Variants in KPNA3 observed in about 807,000 individuals in gnomAD.
KPNA3 encodes the protein karyopherin subunit alpha 3.
A neutral mutation model predicts 73.8 loss-of-function variants in KPNA3; 13 were observed. The observed-to-expected ratio is 0.18, with a 90% CI of 0.11 to 0.28. The LOEUF (loss-of-function observed/expected upper bound fraction) is 0.28, where lower values mean the gene tolerates loss of function less well. Among genes scored for constraint, KPNA3 ranks in the 10% least tolerant of loss-of-function variants. KPNA3 has a pLI of 1.00. For synonymous variants in KPNA3, 186 were observed against 206.9 expected, an observed-to-expected ratio of 0.90 and a Z score of 0.87; for missense variants, 360 against 618.1, an observed-to-expected ratio of 0.58 and a Z score of 4.43.
chr13:49,714,722 G>A lies in KPNA3; in HGVS notation c.772-3700C>T, dbSNP rs568617695. Among the ~76,000 whole-genome samples, 129 of 151,966 alleles carry A rather than the reference G, an allele frequency of 8.5e-4. 1 individual carries two copies. Among genetic ancestry groups the A allele is most frequent in the Non-Finnish European group, 1.5e-3 (104 of 67,906 alleles). On this transcript the variant is annotated intron_variant, in intron 10 of 16. Transcript: ENST00000261667. ...CCTCAACTTTAATAAAACAATAGAAGTATAAAACTTAATACATCATGATTA... is the reference window on the plus strand; with the variant it reads ...CCTCAACTTTAATAAAACAATAGAAATATAAAACTTAATACATCATGATTA...
At chr13:49,777,757 C>T (rs1327105211) in intron 1 of KPNA3, among the ~76,000 whole-genome samples, 1 of 151,914 alleles carries the variant, frequency 6.6e-6, no homozygotes, top group East Asian at 1.9e-4. Flanking sequence ...GCAGTCCTCC[C>T]ACCTAGGCCT....
In KPNA3 at chr13:49,701,852, G is replaced by T; in HGVS notation, c.1514C>A (p.Thr505Asn). 6.2e-7 allele frequency: 1 copy of T among 1,613,538 alleles called. No homozygotes were observed. The highest frequency in any genetic ancestry group is 8.5e-7 in the Non-Finnish European group (1 of 1,179,586). Residue 505 changes from threonine (T) to asparagine (N), a missense_variant, in exon 17 of 17, where the codon ACC becomes AAC. By Grantham distance (65) the Thr-to-Asn change is moderately conservative. Transcript: ENST00000261667. ...GTTGGCTGTTGGATCAAAATTGTAGGTACCTCCTTGTGTTGCTTCAGGAAT... is the reference window on the plus strand; with the variant it reads ...GTTGGCTGTTGGATCAAAATTGTAGTTACCTCCTTGTGTTGCTTCAGGAAT... ...CLIPEATQGGTYNFDPTANLQ... is the reference protein window; with the variant it reads ...CLIPEATQGGNYNFDPTANLQ...
intron 2 of KPNA3, among the ~76,000 whole-genome samples, chr13:49,744,067 G>A (rs1954595952): frequency 1.3e-5 from 2 of 152,096 alleles, no homozygotes; most frequent in Admixed American, 1.3e-4. Flanking sequence ...TACCTTTGGG[G>A]ATAACCAATA....
intron 1 of KPNA3, among the ~76,000 whole-genome samples, chr13:49,755,588 A>T (rs1006823757): frequency 6.6e-6 from 1 of 152,020 alleles, no homozygotes; most frequent in African/African-American, 2.4e-5. Context: ...CGAGGTCAAG[A>T]GATCAAGACC....
At chr13:49,737,868 C>A (rs970426160) in intron 2 of KPNA3, among the ~76,000 whole-genome samples, 3 of 152,142 alleles carry the variant, frequency 2.0e-5, no homozygotes, top group Non-Finnish European at 4.4e-5. Flanking sequence ...CAATATCTAA[C>A]TTGTCTTTTC....
At chr13:49,770,834 CAAAAAAA>C (rs759842886) in intron 1 of KPNA3, among the ~76,000 whole-genome samples, 4 of 85,470 alleles carry the variant, frequency 4.7e-5, no homozygotes, top group East Asian at 8.0e-4. Flanking sequence ...ACCCACCTAC[CAAAAAAA>C]AAAAAAAAAA....
intron 15 of KPNA3, among the ~76,000 whole-genome samples, chr13:49,703,183 C>CTT (rs35282756): frequency 0.38 from 41,742 of 108,958 alleles, 8,769 homozygotes; most frequent in South Asian, 0.54. Context: ...TTCTTTCTTT[C>CTT]TTTTTTTTTT....
chr13:49,762,041 G>A (rs1422341847), intron 1 of KPNA3, among the ~76,000 whole-genome samples: 17 of 151,508 alleles, frequency 1.1e-4, no homozygotes, highest in African/African-American at 3.6e-4. Context: ...CCCTCCGCCC[G>A]GCAGCCGCCC....
At chr13:49,709,753 T>A in intron 11 of KPNA3, 53 bp from the exon 12 acceptor site, 1 of 1,531,010 alleles carries the variant, frequency 6.5e-7, no homozygotes, top group Non-Finnish European at 8.9e-7. Context: ...TAAGACTAAT[T>A]CTATATTTTT....
chr13:49,722,584 T>C lies in KPNA3; in HGVS notation c.470-21A>G, dbSNP rs1333554048. On this transcript the variant is annotated intron_variant, in intron 7 of 16. Transcript: ENST00000261667. ...TGCATCTGTAATAAAGAAAAACTAA[T>C]ATTTATACTAGCAACATGTTGAAGA... 3 of 1,424,976 alleles carry C rather than the reference T, an allele frequency of 2.1e-6. No individual in the cohort carries two copies. In the South Asian group the frequency reaches 3.6e-5, roughly 17 times the overall value. 88.3% of individuals were successfully genotyped at this position (1,424,976 alleles called of 1,614,324 possible). A position where few individuals can be genotyped will look rare whatever the true frequency, so the allele number is the denominator to read the frequency against.
chr13:49,758,105 ATAAC>A (rs1395484934), intron 1 of KPNA3, among the ~76,000 whole-genome samples: 1 of 152,098 alleles, frequency 6.6e-6, no homozygotes, highest in South Asian at 2.1e-4. Flanking sequence ...TCAATAGAAA[ATAAC>A]TAAGAAAGAG....
intron 1 of KPNA3, among the ~76,000 whole-genome samples, chr13:49,755,473 A>G (rs959422117): frequency 1.5e-4 from 23 of 152,222 alleles, no homozygotes; most frequent in Admixed American, 2.0e-4. Flanking sequence ...GCAAGAAAAT[A>G]AAGTAAAAGG....
At chr13:49,708,659 T>C (rs1245438726) in intron 12 of KPNA3, among the ~76,000 whole-genome samples, 1 of 152,084 alleles carries the variant, frequency 6.6e-6, no homozygotes, top group Non-Finnish European at 1.5e-5. Context: ...AAAAACAAAA[T>C]GTGGTGTATA....
At chr13:49,711,049 T>C (rs746018108) in intron 10 of KPNA3, 27 bp from the exon 11 acceptor site, 2 of 1,586,000 alleles carry the variant, frequency 1.3e-6, no homozygotes, top group East Asian at 2.2e-5. Flanking sequence ...AGAAAAACCA[T>C]TTTACATATT....
intron 1 of KPNA3, among the ~76,000 whole-genome samples, chr13:49,756,177 G>A (rs777517429): frequency 4.6e-5 from 7 of 152,166 alleles, no homozygotes; most frequent in Non-Finnish European, 8.8e-5. Context: ...GGGAGGGTGA[G>A]GTAGCAGGAT....
At chr13:49,758,611 G>A (rs1954731353) in intron 1 of KPNA3, among the ~76,000 whole-genome samples, 1 of 152,126 alleles carries the variant, frequency 6.6e-6, no homozygotes, top group Non-Finnish European at 1.5e-5. Context: ...CTAGGAGAAA[G>A]ACGGATATAT....
chr13:49,716,854 T>A (rs1407441), intron 10 of KPNA3, among the ~76,000 whole-genome samples: 1 of 152,074 alleles, frequency 6.6e-6, no homozygotes, highest in Non-Finnish European at 1.5e-5. Context: ...TACAGCCTCC[T>A]CCAGGTGATC....
rs776441096 is a variant in KPNA3 at position 49,706,245 on chromosome 13, G to A, written c.1137+23C>T. The stretch of plus-strand genomic sequence containing the variant: ...TGGTTATTAACAGATTAACAGACAC[G>A]GTGAACTCATAATATGACCAACCTT... On this transcript the variant is annotated intron_variant, in intron 13 of 16. Coordinates refer to ENST00000261667, the MANE Select transcript of KPNA3 (RefSeq NM_002267.4). 97 of 1,608,468 alleles carry A rather than the reference G, an allele frequency of 6.0e-5. 2 individuals are homozygous for A. The highest frequency in any genetic ancestry group is 5.2e-4 in the Admixed American group (31 of 59,932).
chr13:49,730,432 A>T (rs1158931842), intron 6 of KPNA3, among the ~76,000 whole-genome samples: 1 of 144,928 alleles, frequency 6.9e-6, no homozygotes, highest in African/African-American at 2.5e-5. Flanking sequence ...AGGCATGAGA[A>T]TCGCTTGAAC....
Sources: gnomAD v4.1 joint callset for allele counts (sites outside exome capture counted in the v4.1 genomes callset) on GRCh38, gnomAD v4.1.1 for gene constraint, MANE v1.5 for transcripts, NCBI Gene and HGNC (gene_info 2026-07-23, HGNC 2026-07-21) for gene names.